The following NHERF4 variants were observed in gnomAD, a reference collection of about 807,000 sequenced individuals.
NHERF4 encodes the protein Na(+)/H(+) exchange regulatory cofactor NHE-RF4.
the NHERF4 span, chr11:119,185,561 G>A: frequency 1.3e-6 from 2 of 1,569,196 alleles, no homozygotes; most frequent in Non-Finnish European, 1.8e-6. Flanking sequence ...CAGGCAGGGG[G>A]CCGACTTGGA....
the NHERF4 span, chr11:119,189,650 C>T: frequency 1.3e-6 from 1 of 787,180 alleles, no homozygotes; most frequent in South Asian, 1.5e-5. The surrounding 1 kb of genome is among the most constrained non-coding windows in gnomAD (Gnocchi z 5.8). Flanking sequence ...TCCTGCAGGC[C>T]CACCTGCCAG....
At chr11:119,186,144 G>T in the NHERF4 span, 2 of 1,614,052 alleles carry the variant, frequency 1.2e-6, no homozygotes, top group African/African-American at 1.3e-5. The surrounding 1 kb of genome is among the most constrained non-coding windows in gnomAD (Gnocchi z 4.4). Flanking sequence ...CCTCTCCCTG[G>T]CCGAAGACCA....
the NHERF4 span, chr11:119,189,087 G>T: frequency 1.2e-6 from 2 of 1,614,110 alleles, no homozygotes; most frequent in African/African-American, 1.3e-5. This position sits in a 1 kb window ranked among gnomAD's most constrained non-coding sequence, Gnocchi z 5.8. Flanking sequence ...CCTGTTGGGG[G>T]ACAGAATGAC....
At chr11:119,189,454 T>C in the NHERF4 span, 1 of 1,614,068 alleles carries the variant, frequency 6.2e-7, no homozygotes. The surrounding 1 kb of genome is among the most constrained non-coding windows in gnomAD (Gnocchi z 5.8). Context: ...ACCTCCTCTC[T>C]CTGTATAGGA....
the NHERF4 span, chr11:119,186,581 T>C: frequency 2.6e-5 from 42 of 1,613,964 alleles, no homozygotes; most frequent in Non-Finnish European, 3.5e-5. This position sits in a 1 kb window ranked among gnomAD's most constrained non-coding sequence, Gnocchi z 4.4. Context: ...GCTGGGCATG[T>C]GGTGTGCAGG....
the NHERF4 span, chr11:119,186,039 T>C: frequency 5.6e-6 from 9 of 1,611,010 alleles, no homozygotes; most frequent in Non-Finnish European, 7.6e-6. The surrounding 1 kb of genome is among the most constrained non-coding windows in gnomAD (Gnocchi z 4.4). Flanking sequence ...AAGGAGATCC[T>C]GGGACCCAAG....
At chr11:119,188,234 G>T in the NHERF4 span, 1 of 1,557,148 alleles carries the variant, frequency 6.4e-7, no homozygotes, top group Non-Finnish European at 8.7e-7. Flanking sequence ...CCGAAGAGGT[G>T]TCCCTGTCTG....
chr11:119,188,944 A>G, the NHERF4 span: 2 of 1,612,134 alleles, frequency 1.2e-6, no homozygotes, highest in Non-Finnish European at 1.7e-6. Context: ...TCCCTCCCAG[A>G]GCCTAAAGCC....
At chr11:119,187,146 AAAAAAAAAAAAAG>A in the NHERF4 span, 1 of 836,682 alleles carries the variant, frequency 1.2e-6, no homozygotes, top group Non-Finnish European at 1.7e-6. Flanking sequence ...ATCTCAAAAA[AAAAAAAAAAAAAG>A]AAAAAGAAAA....
chr11:119,188,640 G>A, the NHERF4 span: 9 of 1,613,978 alleles, frequency 5.6e-6, no homozygotes, highest in African/African-American at 1.1e-4. Flanking sequence ...CACCTTCCAG[G>A]TTCGCCTGTC....
the NHERF4 span, chr11:119,187,978 A>G: frequency 1.9e-6 from 3 of 1,574,632 alleles, no homozygotes; most frequent in Middle Eastern, 3.5e-4. Context: ...TGCTGGTGGC[A>G]GGGCCAGAGG....
the NHERF4 span, chr11:119,186,181 C>A: frequency 3.7e-6 from 6 of 1,614,168 alleles, no homozygotes; most frequent in Non-Finnish European, 4.2e-6. The surrounding 1 kb of genome is among the most constrained non-coding windows in gnomAD (Gnocchi z 4.4). Flanking sequence ...TCCCTCACCC[C>A]CTGGCAACCA....
the NHERF4 span, chr11:119,188,699 C>A: frequency 6.2e-7 from 1 of 1,614,204 alleles, no homozygotes; most frequent in Non-Finnish European, 8.5e-7. Flanking sequence ...CGCCCCGGGG[C>A]AGCAGCTCAG....
the NHERF4 span, chr11:119,188,699 C>G: frequency 6.2e-7 from 1 of 1,614,204 alleles, no homozygotes; most frequent in South Asian, 1.1e-5. Flanking sequence ...CGCCCCGGGG[C>G]AGCAGCTCAG....
the NHERF4 span, chr11:119,186,101 GT>G: frequency 3.1e-6 from 5 of 1,612,478 alleles, no homozygotes; most frequent in Non-Finnish European, 4.2e-6. The surrounding 1 kb of genome is among the most constrained non-coding windows in gnomAD (Gnocchi z 4.4). Context: ...GGAAGTTTAA[GT>G]TTAACCCAAA....
the NHERF4 span, chr11:119,186,665 T>C: frequency 1.9e-6 from 3 of 1,609,198 alleles, no homozygotes; most frequent in African/African-American, 1.3e-5. The surrounding 1 kb of genome is among the most constrained non-coding windows in gnomAD (Gnocchi z 4.4). Context: ...AACAATGATG[T>C]TGTGGAACAC....
At chr11:119,186,707 G>A in the NHERF4 span, 13 of 1,583,546 alleles carry the variant, frequency 8.2e-6, no homozygotes, top group Non-Finnish European at 1.0e-5. This position sits in a 1 kb window ranked among gnomAD's most constrained non-coding sequence, Gnocchi z 4.4. Context: ...CTGTGGTCCA[G>A]GAGAGCATGC....
the NHERF4 span, chr11:119,189,232 G>C: frequency 6.3e-7 from 1 of 1,588,340 alleles, no homozygotes; most frequent in Non-Finnish European, 8.6e-7. This position sits in a 1 kb window ranked among gnomAD's most constrained non-coding sequence, Gnocchi z 5.8. Context: ...AGATGGGACT[G>C]TGAGTAGCTA....
the NHERF4 span, chr11:119,188,664 T>C: frequency 1.2e-6 from 2 of 1,614,154 alleles, no homozygotes; most frequent in Non-Finnish European, 8.5e-7. Flanking sequence ...ACTCCTCTTC[T>C]TGGAGAACAC....
Sources: allele counts gnomAD v4.1 joint callset, GRCh38; gene constraint gnomAD v4.1.1; non-coding constraint Gnocchi (gnomAD v3.1); transcripts MANE v1.5; gene names NCBI Gene and HGNC (gene_info 2026-07-23, HGNC 2026-07-21).